The following RIPOR2 variants were observed in gnomAD, a reference collection of about 807,000 sequenced individuals.
RIPOR2 encodes rho family-interacting cell polarization regulator 2.
Under a neutral mutation model 114.5 loss-of-function variants are expected in RIPOR2, and 39 were observed. The ratio of observed to expected loss-of-function variants is 0.34; its 90% CI spans 0.26 to 0.44. The LOEUF is 0.44. Ranked by LOEUF, RIPOR2 falls within the 20% of genes least tolerant of loss-of-function variation. RIPOR2 has a pLI of 1.00. For synonymous variants in RIPOR2, 445 were observed against 484.4 expected, an observed-to-expected ratio of 0.92 and a Z score of 1.07; for missense variants, 1,007 against 1,255.1, an observed-to-expected ratio of 0.80 and a Z score of 2.99.
At chr6:25,041,491 C>T (rs909321803) in intron 1 of RIPOR2, among the ~76,000 whole-genome samples, 5 of 152,188 alleles carry the variant, frequency 3.3e-5, no homozygotes, top group African/African-American at 9.7e-5. Flanking sequence ...ATTTTTTTCC[C>T]CACTGTAATA....
intron 1 of RIPOR2, among the ~76,000 whole-genome samples, chr6:24,897,903 G>A (rs1258334492): frequency 2.0e-5 from 3 of 151,988 alleles, no homozygotes; most frequent in Non-Finnish European, 4.4e-5. Flanking sequence ...GGGACTACAG[G>A]CACGCACCAC....
At chr6:24,862,698 A>G (rs990513162) in intron 7 of RIPOR2, among the ~76,000 whole-genome samples, 9 of 152,108 alleles carry the variant, frequency 5.9e-5, no homozygotes, top group Non-Finnish European at 1.0e-4. Flanking sequence ...CAACTATGCT[A>G]TCATGCATGT....
chr6:25,004,440 G>C (rs576536989), intron 1 of RIPOR2, among the ~76,000 whole-genome samples: 2 of 152,280 alleles, frequency 1.3e-5, no homozygotes, highest in East Asian at 1.9e-4. Context: ...GAGGGTAACA[G>C]CTTCTCCTTT....
chr6:25,014,987 T>G (rs1003761761), intron 1 of RIPOR2: 1 of 148,090 alleles, frequency 6.8e-6, no homozygotes, highest in Admixed American at 6.9e-5. Context: ...TGACCTTTTA[T>G]TAAATGCAGA....
intron 1 of RIPOR2, among the ~76,000 whole-genome samples, chr6:24,981,147 G>A (rs1056137313): frequency 2.0e-5 from 3 of 152,152 alleles, no homozygotes; most frequent in Non-Finnish European, 4.4e-5. Flanking sequence ...TTTTATCTTT[G>A]GATAAGGCTT....
Position 24,875,671 on chromosome 6 carries a change from G to T in RIPOR2, c.188+20C>A. ...TTCCTTGGCAAGCTGCATCCCGGGA[G>T]AGAACCACACAGTACTTGCCTGGAT... On this transcript the variant is annotated intron_variant, in intron 2 of 21. Coordinates refer to ENST00000643898, the MANE Select transcript of RIPOR2 (RefSeq NM_001286445.3). 1 of 1,606,718 alleles carries T rather than the reference G, an allele frequency of 6.2e-7. No individual in the cohort carries two copies. The highest frequency in any genetic ancestry group is 8.5e-7 in the Non-Finnish European group (1 of 1,176,724).
intron 8 of RIPOR2, among the ~76,000 whole-genome samples, chr6:24,853,199 ACAAAATCAATCCAAC>A (rs72085020): frequency 0.038 from 5,775 of 152,320 alleles, 121 homozygotes; most frequent in South Asian, 0.079. Flanking sequence ...GATTAAGAAA[ACAAAATCAATCCAAC>A]CAACCAAATG....
chr6:24,859,046 G>C (rs1035247077), intron 8 of RIPOR2, among the ~76,000 whole-genome samples: 1 of 152,172 alleles, frequency 6.6e-6, no homozygotes, highest in Non-Finnish European at 1.5e-5. Flanking sequence ...ATAACATGGA[G>C]TTAGAGGTGG....
chr6:24,890,617 C>G (rs984457267), intron 1 of RIPOR2, among the ~76,000 whole-genome samples: 1 of 151,400 alleles, frequency 6.6e-6, no homozygotes, highest in Non-Finnish European at 1.5e-5. Context: ...ATGCATGTAA[C>G]AAAATTACAC....
chr6:24,900,702 G>T (rs1352511678), intron 1 of RIPOR2, among the ~76,000 whole-genome samples: 2 of 152,194 alleles, frequency 1.3e-5, no homozygotes, highest in Non-Finnish European at 2.9e-5. Flanking sequence ...AGGCTGCACT[G>T]AGCTGTGATC....
At chr6:24,847,710 G>C in intron 12 of RIPOR2, 3 of 1,540,056 alleles carry the variant, frequency 1.9e-6, no homozygotes, top group Non-Finnish European at 2.6e-6. Context: ...GTGAAAGCAA[G>C]ATGGGGGAGT....
At chr6:24,969,500 T>A (rs557459207) in intron 1 of RIPOR2, among the ~76,000 whole-genome samples, 1 of 152,332 alleles carries the variant, frequency 6.6e-6, no homozygotes, top group Non-Finnish European at 1.5e-5. Flanking sequence ...CTGAGTTGAA[T>A]AACTTTTTAC....
At chr6:24,957,591 G>A (rs1773091687) in intron 1 of RIPOR2, among the ~76,000 whole-genome samples, 1 of 152,148 alleles carries the variant, frequency 6.6e-6, no homozygotes, top group African/African-American at 2.4e-5. Flanking sequence ...ATGAGAAGGA[G>A]GGTCGGGTGC....
At chr6:24,872,808 G>A (rs993340818) in intron 4 of RIPOR2, 73 bp downstream of exon 4, 13 of 991,672 alleles carry the variant, frequency 1.3e-5, no homozygotes, top group Non-Finnish European at 1.9e-5. Context: ...TTCCTCCCCA[G>A]CCCCATCCAG....
At chr6:24,806,520 T>C in intron 21 of RIPOR2, 47 bp from the exon 22 acceptor site, 2 of 1,372,576 alleles carry the variant, frequency 1.5e-6, no homozygotes. Context: ...ACAACGTTTT[T>C]ATTAATTACT....
rs537124247 is a variant in RIPOR2, at chr6:24,810,244, G to A, written c.2953-437C>T. Among the ~76,000 whole-genome samples the A allele has an allele frequency of 1.4e-3, 210 of 152,224 alleles. 1 individual carries two copies. The highest frequency in any genetic ancestry group is 4.2e-3 in the Admixed American group (64 of 15,296). On this transcript the variant is annotated intron_variant, in intron 20 of 21. Transcript: ENST00000643898. ...GATGCACTATATCAGAATTTCCTGG[G>A]ATGGGGCCCAGAGTTCTTACTTTCA...
At chr6:24,869,025 C>T (rs368403524) in intron 6 of RIPOR2, 69 bp downstream of exon 6, 1 of 875,918 alleles carries the variant, frequency 1.1e-6, no homozygotes, top group Non-Finnish European at 1.8e-6. Flanking sequence ...ATACTACGCT[C>T]AGCCCAAAGG....
In RIPOR2 at chr6:24,843,350, T is replaced by C. The variant is rs771127374; in HGVS notation, c.1369A>G (p.Met457Val). Residue 457 changes from methionine to valine, a missense_variant, in exon 13 of 22, where the codon ATG (methionine) becomes GTG (valine). By Grantham distance (21) the Met-to-Val change is conservative (BLOSUM62 1). Coordinates refer to ENST00000643898, the MANE Select transcript of RIPOR2 (RefSeq NM_001286445.3). ...GAAGATGCTGAGCTGGTGTCATCCA[T>C]ACCCTCATTCTGGGAGGCCAAGCTG... Reference protein sequence around the residue: ...LSSLASQNEGMDDTSSASSRN... With the variant: ...LSSLASQNEGVDDTSSASSRN... The C allele has an allele frequency of 1.5e-5, 24 of 1,613,846 alleles. No individual in the cohort carries two copies. The African/African-American group carries it at 2.4e-4, about 16-fold the overall frequency.
chr6:24,888,768 T>C (rs1398825903), intron 1 of RIPOR2, among the ~76,000 whole-genome samples: 13 of 152,344 alleles, frequency 8.5e-5, no homozygotes, highest in African/African-American at 2.9e-4. Context: ...ATCACACTAA[T>C]AGATTTTTCA....
Sources: allele counts gnomAD v4.1 joint callset (sites outside exome capture counted in the v4.1 genomes callset), GRCh38; gene constraint gnomAD v4.1.1; transcripts MANE v1.5; gene names NCBI Gene and HGNC (gene_info 2026-07-23, HGNC 2026-07-21).